ADGRB3: variants seen among roughly 807,000 people sequenced by gnomAD.
ADGRB3 encodes adhesion G protein-coupled receptor B3, also known as brain-specific angiogenesis inhibitor 3.
A neutral mutation model predicts 193.4 loss-of-function variants in ADGRB3; 37 were observed. The ratio of observed to expected loss-of-function variants is 0.19; its 90% CI spans 0.15 to 0.25. The LOEUF (loss-of-function observed/expected upper bound fraction) is 0.25, where lower values mean the gene tolerates loss of function less well. Ranked by LOEUF, ADGRB3 falls within the 10% of genes least tolerant of loss-of-function variation. ADGRB3 has a pLI of 1.00. For synonymous variants in ADGRB3, 690 were observed against 644.2 expected (o/e 1.07, Z -1.08); for missense variants, 1,637 against 1,852.9 (o/e 0.88, Z 2.14).
At chr6:69,210,094 A>G (rs1202085193) in intron 17 of ADGRB3, among the ~76,000 whole-genome samples, 1 of 138,130 alleles carries the variant, frequency 7.2e-6, no homozygotes, top group Non-Finnish European at 1.6e-5. Context: ...AACTAATTGA[A>G]TATATGTATA....
At chr6:69,251,153 T>A (rs1200753753) in intron 20 of ADGRB3, among the ~76,000 whole-genome samples, 1 of 152,236 alleles carries the variant, frequency 6.6e-6, no homozygotes, top group East Asian at 1.9e-4. Context: ...ATTACATGCT[T>A]TTCCTAGCAT....
At position 69,227,335 on chromosome 6, in the gene ADGRB3, C is replaced by T. The variant is rs190696626; in HGVS notation, c.2481-5955C>T. ...ATTCCTTGTAGACCATTGTAAGGAC[C>T]ATTATAAGTAGACCTTTGTCTTTTA... On this transcript the variant is annotated intron_variant, in intron 17 of 31. Transcript: ENST00000370598. Among the ~76,000 whole-genome samples, 14 of 152,168 alleles carry T rather than the reference C, an allele frequency of 9.2e-5. No individual in the cohort carries two copies. In the East Asian group the frequency reaches 2.7e-3, roughly 29 times the overall value.
At chr6:69,089,512 G>A (rs528503820) in intron 17 of ADGRB3, among the ~76,000 whole-genome samples, 9 of 152,208 alleles carry the variant, frequency 5.9e-5, no homozygotes, top group African/African-American at 9.6e-5. Context: ...TATTGTTAGG[G>A]TTAAGTAAAT....
rs12529949 is a variant in ADGRB3, at chr6:68,861,549, G to A, written c.758-69010G>A. On this transcript the variant is annotated intron_variant, in intron 3 of 31. Coordinates refer to ENST00000370598, the MANE Select transcript of ADGRB3 (RefSeq NM_001704.3). ...TGCACTCCAGCCTGGGCAACAGAGC[G>A]AGACTCCATCTCCAAAAAAAAAATA... 3.4e-3 allele frequency among the ~76,000 whole-genome samples: 523 copies of A among 152,030 alleles called. 3 individuals are homozygous for A. Among genetic ancestry groups the A allele is most frequent in the African/African-American group, 0.011 (448 of 41,448 alleles).
intron 17 of ADGRB3, among the ~76,000 whole-genome samples, chr6:69,137,470 G>GA (rs1774186389): frequency 6.6e-6 from 1 of 151,702 alleles, no homozygotes; most frequent in Non-Finnish European, 1.5e-5. Context: ...AGTAGTTTCC[G>GA]AAACAAGAGA....
At chr6:69,072,626 A>C (rs559851) in intron 16 of ADGRB3, among the ~76,000 whole-genome samples, 42,907 of 152,052 alleles carry the variant, frequency 0.28, 8,335 homozygotes, top group East Asian at 0.89. Context: ...GATTTAACTT[A>C]ATCTACATTA....
chr6:69,031,571 C>CTTTCTTTCTTTCTCTCTCTCT (rs1337493560), intron 13 of ADGRB3, among the ~76,000 whole-genome samples: 3 of 106,852 alleles, frequency 2.8e-5, no homozygotes, highest in Non-Finnish European at 3.9e-5. Flanking sequence ...TTCTTTTCTT[C>CTTTCTTTCTTTCTCTCTCTCT]CTCTGTCTCT....
chr6:68,803,937 C>T (rs1222133235), intron 3 of ADGRB3, among the ~76,000 whole-genome samples: 5 of 152,284 alleles, frequency 3.3e-5, no homozygotes, highest in African/African-American at 9.6e-5. Flanking sequence ...ACATTCAATA[C>T]CATTGAACAT....
intron 26 of ADGRB3, among the ~76,000 whole-genome samples, chr6:69,347,014 A>G (rs1290398475): frequency 1.3e-5 from 2 of 152,336 alleles, no homozygotes; most frequent in Middle Eastern, 3.4e-3. Context: ...CACACCATGG[A>G]ATACTACGCA....
intron 3 of ADGRB3, among the ~76,000 whole-genome samples, chr6:68,746,675 C>T (rs953891021): frequency 6.6e-6 from 1 of 151,890 alleles, no homozygotes; most frequent in Non-Finnish European, 1.5e-5. Context: ...TTGAGCTTTC[C>T]CTCTTCCCCT....
intron 3 of ADGRB3, among the ~76,000 whole-genome samples, chr6:68,655,704 G>C (rs1271888261): frequency 1.3e-5 from 2 of 151,572 alleles, no homozygotes; most frequent in African/African-American, 4.8e-5. Context: ...ATCAACCACT[G>C]TTTACAGTAT....
At chr6:68,664,243 G>T (rs1768743155) in intron 3 of ADGRB3, among the ~76,000 whole-genome samples, 1 of 151,492 alleles carries the variant, frequency 6.6e-6, no homozygotes. Flanking sequence ...TTTTTTAGTA[G>T]TATGAAAATG....
rs568811123 is a variant in ADGRB3, at chr6:69,149,575, C to T, written c.2480+73537C>T. ...ATTTACTTCATTTAGTGTGGTCGTG[C>T]TTTACTGGATGGTCTTGATGCTTGT... On this transcript the variant is annotated intron_variant, in intron 17 of 31. Coordinates refer to ENST00000370598, the MANE Select transcript of ADGRB3 (RefSeq NM_001704.3). 2.0e-5 allele frequency among the ~76,000 whole-genome samples: 3 copies of T among 152,114 alleles called. No homozygotes were observed. The East Asian group carries it at 5.8e-4, about 29-fold the overall frequency.
chr6:69,246,366 A>C (rs1010915952), intron 20 of ADGRB3, among the ~76,000 whole-genome samples: 1 of 152,160 alleles, frequency 6.6e-6, no homozygotes, highest in African/African-American at 2.4e-5. Flanking sequence ...GAAGGTAATA[A>C]GCTTATGTGT....
intron 3 of ADGRB3, among the ~76,000 whole-genome samples, chr6:68,735,209 A>T (rs1252998135): frequency 6.6e-6 from 1 of 151,998 alleles, no homozygotes; most frequent in Non-Finnish European, 1.5e-5. Flanking sequence ...ATGAATGAAT[A>T]ATTAAGTTAA....
intron 3 of ADGRB3, among the ~76,000 whole-genome samples, chr6:68,780,214 CACT>C (rs1766827225): frequency 6.6e-6 from 1 of 151,984 alleles, no homozygotes; most frequent in Non-Finnish European, 1.5e-5. Context: ...CTATTTGTCC[CACT>C]ATTTTCTTCT....
intron 3 of ADGRB3, among the ~76,000 whole-genome samples, chr6:68,790,646 G>T (rs1767084811): frequency 6.6e-6 from 1 of 152,146 alleles, no homozygotes; most frequent in African/African-American, 2.4e-5. Flanking sequence ...CTGCTGTTCT[G>T]CAGCCACCAC....
chr6:68,834,255 C>T (rs150603101), intron 3 of ADGRB3, among the ~76,000 whole-genome samples: 2 of 152,102 alleles, frequency 1.3e-5, no homozygotes, highest in East Asian at 1.9e-4. Context: ...CTGTGCTGCA[C>T]GTAATTCTTA....
intron 4 of ADGRB3, among the ~76,000 whole-genome samples, chr6:68,935,458 C>A (rs565224059): frequency 6.6e-6 from 1 of 152,274 alleles, no homozygotes; most frequent in East Asian, 1.9e-4. Flanking sequence ...AAATTATAAA[C>A]AGAAACATAA....
Sources: gnomAD v4.1 joint callset for allele counts (sites outside exome capture counted in the v4.1 genomes callset) on GRCh38, gnomAD v4.1.1 for gene constraint, MANE v1.5 for transcripts, NCBI Gene and HGNC (gene_info 2026-07-23, HGNC 2026-07-21) for gene names.